Variants in ZCCHC14 observed in about 807,000 individuals in gnomAD.
The protein encoded by ZCCHC14 is zinc finger CCHC-type containing 14, also known as zinc finger CCHC domain-containing protein 14.
Under a neutral mutation model 85.0 loss-of-function variants are expected in ZCCHC14, and 16 were observed. The ratio of observed to expected loss-of-function variants is 0.19; its 90% CI spans 0.13 to 0.29. The LOEUF is 0.29. ZCCHC14 is among the 10% of genes least tolerant of loss of function. The pLI, the probability that ZCCHC14 is intolerant of heterozygous loss-of-function variation, is 1.00. For synonymous variants in ZCCHC14, 775 were observed against 630.7 expected, an observed-to-expected ratio of 1.23 and a Z score of -3.43; for missense variants, 1,303 against 1,443.5, an observed-to-expected ratio of 0.90 and a Z score of 1.58.
chr16:87,413,859 A>G (rs1597398200), intron 10 of ZCCHC14, among the ~76,000 whole-genome samples: 1 of 151,670 alleles, frequency 6.6e-6, no homozygotes, highest in Non-Finnish European at 1.5e-5. Context: ...ATTTCTGCTC[A>G]CCCCCACGCG....
At position 87,408,338 on chromosome 16, in the gene ZCCHC14, C is replaced by A. The variant is rs1455499673; in HGVS notation, c.*1942G>T. 2.6e-5 allele frequency: 4 copies of A among 152,466 alleles called. No individual in the cohort carries two copies. The East Asian group carries it at 7.7e-4, about 29-fold the overall frequency. 9.4% of individuals were successfully genotyped at this position (152,466 alleles called of 1,614,324 possible). On this transcript the variant is annotated 3_prime_UTR_variant, in exon 13 of 13. Transcript: ENST00000671377. ...AAAACCAAAAAATTTAAAAGTTTGG[C>A]TTTCAGCACATATCCAGGCCACTGT... is the stretch of plus-strand genomic sequence containing the variant.
intron 6 of ZCCHC14, 87 bp from the exon 7 acceptor site, chr16:87,418,988 C>T (rs1020780003): frequency 7.8e-7 from 1 of 1,274,860 alleles, no homozygotes; most frequent in Middle Eastern, 2.3e-4. Context: ...CGGTGTTTTG[C>T]TCTTGTTGCC....
chr16:87,410,320 T>G lies in ZCCHC14; in HGVS notation c.3221A>C (p.Lys1074Thr). 1 of 776,630 alleles carries G rather than the reference T, an allele frequency of 1.3e-6. No homozygotes were observed. Among genetic ancestry groups the G allele is most frequent in the Non-Finnish European group, 2.4e-6 (1 of 416,638 alleles). The allele number at this position is 776,630 out of a possible 1,614,324, so 48.1% of individuals were successfully genotyped here. The change falls in exon 13 of 13, where the codon AAA (lysine) becomes ACA (threonine). Residue 1074 changes from lysine to threonine, a missense_variant. By Grantham distance (78) the Lys-to-Thr change is moderately conservative. Transcript: ENST00000671377. ...CAGACTTTCTGCTGGAGGGGCGTAT[T>G]TCAACCTAAAAGTACCTAGAGAGAG... ...DFNRPGTFRL[K>T]YAPPAESLDS... is the part of the protein sequence containing the mutation.
rs887873947 is a variant in ZCCHC14, at chr16:87,437,124, G to A, written c.695-3923C>T. Reference sequence around the variant, plus strand: ...GGCTGAGGCAGGTGGATCACCTGAGGTCAGGAGTTAGAGACCAGCCTGACC... The same window carrying A: ...GGCTGAGGCAGGTGGATCACCTGAGATCAGGAGTTAGAGACCAGCCTGACC... On this transcript the variant is annotated intron_variant, in intron 2 of 12. Transcript: ENST00000671377. Among the ~76,000 whole-genome samples, 3 of 151,820 alleles carry A rather than the reference G, an allele frequency of 2.0e-5. No individual in the cohort carries two copies. The East Asian group carries it at 5.8e-4, about 29-fold the overall frequency.
At chr16:87,415,594 G>T (rs1908740882) in intron 8 of ZCCHC14, among the ~76,000 whole-genome samples, 1 of 152,146 alleles carries the variant, frequency 6.6e-6, no homozygotes, top group Admixed American at 6.5e-5. Flanking sequence ...AGTGTCCCCG[G>T]CTCCTCCAGG....
intron 2 of ZCCHC14, among the ~76,000 whole-genome samples, chr16:87,443,880 T>C (rs764822057): frequency 1.1e-4 from 17 of 151,428 alleles, no homozygotes; most frequent in Non-Finnish European, 1.9e-4. Flanking sequence ...CTACTAAAAA[T>C]ACAAAAATTA....
At chr16:87,477,120 C>CAAAAAAAAAAAAAAAAAAAAAA (rs769416913) in intron 1 of ZCCHC14, among the ~76,000 whole-genome samples, 2 of 40,632 alleles carry the variant, frequency 4.9e-5, no homozygotes, top group South Asian at 1.1e-3. Flanking sequence ...GACTCAGTCT[C>CAAAAAAAAAAAAAAAAAAAAAA]AAAAAAAAAA....
Position 87,408,514 on chromosome 16 carries a change from G to C in ZCCHC14, c.*1766C>G, listed in dbSNP as rs527695116. The C allele has an allele frequency of 8.4e-4, 128 of 152,660 alleles. 1 individual carries two copies. The highest frequency in any genetic ancestry group is 3.0e-3 in the African/African-American group (123 of 41,546). The allele number at this position is 152,660 out of a possible 1,614,324, so 9.5% of individuals were successfully genotyped here. A position where few individuals can be genotyped will look rare whatever the true frequency, so the allele number is the denominator to read the frequency against. On this transcript the variant is annotated 3_prime_UTR_variant, in exon 13 of 13. Transcript: ENST00000671377. ...ACATTTTGTAGTGTTTACAATTTAA[G>C]AGATCAACGTAACATTCCCCTAAAT... is the stretch of plus-strand genomic sequence containing the variant.
At chr16:87,451,264 C>CCAGCT (rs1428154136) in intron 2 of ZCCHC14, among the ~76,000 whole-genome samples, 3 of 149,372 alleles carry the variant, frequency 2.0e-5, no homozygotes, top group African/African-American at 7.4e-5. Context: ...TGGCATGATC[C>CCAGCT]CAGCTCACTG....
At chr16:87,429,749 G>C (rs2057610940) in intron 3 of ZCCHC14, among the ~76,000 whole-genome samples, 1 of 152,206 alleles carries the variant, frequency 6.6e-6, no homozygotes, top group African/African-American at 2.4e-5. Flanking sequence ...TAGGATTACA[G>C]GTACCAGCTA....
At chr16:87,452,452 G>C (rs1360339698) in intron 2 of ZCCHC14, among the ~76,000 whole-genome samples, 1 of 152,190 alleles carries the variant, frequency 6.6e-6, no homozygotes, top group East Asian at 1.9e-4. Context: ...GAGAGGGATA[G>C]TGGCTGCAGA....
chr16:87,422,098 G>A (rs748628268), intron 4 of ZCCHC14, among the ~76,000 whole-genome samples: 3 of 152,258 alleles, frequency 2.0e-5, no homozygotes, highest in East Asian at 1.9e-4. Context: ...ACAAACAAGC[G>A]GGAACTTTCA....
At chr16:87,411,308 T>C in intron 12 of ZCCHC14, 2 of 1,426,834 alleles carry the variant, frequency 1.4e-6, no homozygotes, top group Non-Finnish European at 1.9e-6. Context: ...AACCAGAGGC[T>C]GTCTGAAATC....
At chr16:87,481,526 C>CGGGGGGGGG (rs1315025919) in intron 1 of ZCCHC14, among the ~76,000 whole-genome samples, 1 of 2,432 alleles carries the variant, frequency 4.1e-4, no homozygotes, top group Non-Finnish European at 8.0e-4. Flanking sequence ...GGGAGAGAAA[C>CGGGGGGGGG]GGGGGGGGGG....
At chr16:87,423,687 C>A (rs886616419) in intron 4 of ZCCHC14, 123 bp downstream of exon 4, 15 of 1,088,406 alleles carry the variant, frequency 1.4e-5, no homozygotes, top group Admixed American at 1.3e-4. Flanking sequence ...GGGCAGGAGG[C>A]CCCGCCCTGC....
intron 3 of ZCCHC14, among the ~76,000 whole-genome samples, chr16:87,432,523 AG>A (rs1909713383): frequency 6.6e-6 from 1 of 152,142 alleles, no homozygotes; most frequent in Non-Finnish European, 1.5e-5. Flanking sequence ...GAGTAGCCAG[AG>A]GGGGCCTGTA....
rs140057030 is a variant in ZCCHC14, at chr16:87,423,975, C to T, written c.769-94G>A. The T allele has an allele frequency of 2.4e-4, 331 of 1,386,310 alleles. 2 individuals are homozygous for T. The African/African-American group carries it at 3.9e-3, about 16-fold the overall frequency. The allele number at this position is 1,386,310 out of a possible 1,614,324, so 85.9% of individuals were successfully genotyped here. A position where few individuals can be genotyped will look rare whatever the true frequency, so the allele number is the denominator to read the frequency against. ...GGTACGACTGGGGCACACGTTCAGT[C>T]GGCAGCTGAGCCCAGTGGGCCGTGC... On this transcript the variant is annotated intron_variant, in intron 3 of 12. Transcript: ENST00000671377.
intron 2 of ZCCHC14, among the ~76,000 whole-genome samples, chr16:87,436,241 A>C (rs921453431): frequency 1.3e-5 from 2 of 152,276 alleles, no homozygotes; most frequent in Non-Finnish European, 2.9e-5. Context: ...AGCTGTTTTC[A>C]AATAAAAGAG....
At chr16:87,431,416 T>G (rs1475776978) in intron 3 of ZCCHC14, among the ~76,000 whole-genome samples, 3 of 137,598 alleles carry the variant, frequency 2.2e-5, no homozygotes, top group African/African-American at 8.4e-5. Context: ...GAGCTTACAG[T>G]GAGCCGAGAT....
Sources: gnomAD v4.1 joint callset for allele counts (sites outside exome capture counted in the v4.1 genomes callset) on GRCh38, gnomAD v4.1.1 for gene constraint, MANE v1.5 for transcripts, NCBI Gene and HGNC (gene_info 2026-07-23, HGNC 2026-07-21) for gene names.